Variants in RAB11FIP3 observed in about 807,000 individuals in gnomAD.
RAB11FIP3 encodes the protein rab11 family-interacting protein 3.
Under a neutral mutation model 77.8 loss-of-function variants are expected in RAB11FIP3, and 17 were observed. The observed-to-expected ratio is 0.22, with a 90% confidence interval of 0.15 to 0.33. RAB11FIP3 has a LOEUF of 0.33. RAB11FIP3 is among the 10% of genes least tolerant of loss of function. RAB11FIP3 has a pLI of 1.00. For missense variants in RAB11FIP3, 1,005 were observed against 1,011.2 expected (o/e 0.99, Z 0.08); for synonymous variants, 437 against 448.2 (o/e 0.98, Z 0.31).
chr16:467,131 T>C (rs1267911331), intron 2 of RAB11FIP3, among the ~76,000 whole-genome samples: 1 of 151,990 alleles, frequency 6.6e-6, no homozygotes, highest in African/African-American at 2.4e-5. Context: ...GACCACAAAG[T>C]AAGGCAGGAG....
intron 1 of RAB11FIP3, among the ~76,000 whole-genome samples, chr16:447,877 T>C (rs189315390): frequency 9.7e-4 from 147 of 152,244 alleles, no homozygotes; most frequent in Non-Finnish European, 1.1e-3. Context: ...AACAAAGGGT[T>C]ACATTCAGCT....
chr16:458,121 C>T (rs1018663127), intron 1 of RAB11FIP3, among the ~76,000 whole-genome samples: 1 of 152,216 alleles, frequency 6.6e-6, no homozygotes, highest in South Asian at 2.1e-4. Context: ...TGGGGCTGGC[C>T]CTGTTTGAGC....
rs1304976627 is a variant in RAB11FIP3 at position 426,186 on chromosome 16, CG to C, written c.184del (p.Ala62ProfsTer178). On this transcript the variant is annotated frameshift_variant, in exon 1 of 14. Coordinates refer to ENST00000262305, the MANE Select transcript of RAB11FIP3 (RefSeq NM_014700.4). LOFTEE classifies it high-confidence loss of function. This position sits in a 1 kb window ranked among gnomAD's most constrained non-coding sequence, Gnocchi z 5.0. ...QSPGLDEPAP[G>X]AAADGGARWS... ...CCCCGGGCCTGGATGAGCCTGCGCC[CG>C]GGGCCGCTGCAGATGGCGGGGCGCG... The C allele has an allele frequency of 4.9e-6, 5 of 1,016,382 alleles. No homozygotes were observed. Among genetic ancestry groups the C allele is most frequent in the Non-Finnish European group, 3.5e-6 (3 of 852,174 alleles). The allele number at this position is 1,016,382 out of a possible 1,614,324, so 63.0% of individuals were successfully genotyped here.
At chr16:430,976 C>T (rs549322172) in intron 1 of RAB11FIP3, among the ~76,000 whole-genome samples, 2 of 152,362 alleles carry the variant, frequency 1.3e-5, no homozygotes, top group South Asian at 2.1e-4. Context: ...AGGCATGAGC[C>T]GTAGCGCCCA....
chr16:437,666 G>A (rs1394995599), intron 1 of RAB11FIP3, among the ~76,000 whole-genome samples: 2 of 151,588 alleles, frequency 1.3e-5, no homozygotes, highest in Admixed American at 1.3e-4. Flanking sequence ...CAAGTACACT[G>A]AACTGATAAC....
Position 426,597 on chromosome 16 carries a change from C to G in RAB11FIP3, c.591C>G (p.Pro197=). ...LSQTHPLPSE[P]VGSQEDGPRL... ...AGACCCACCCCCTTCCGAGCGAGCC[C>G]GTGGGGAGTCAGGAGGACGGCCCCC... Residue 197 remains proline (P), a synonymous_variant, in exon 1 of 14, where the codon CCC becomes CCG. Transcript: ENST00000262305. This position sits in a 1 kb window ranked among gnomAD's most constrained non-coding sequence, Gnocchi z 5.0. 3 of 1,597,298 alleles carry G rather than the reference C, an allele frequency of 1.9e-6. No homozygotes were observed. Among genetic ancestry groups the G allele is most frequent in the South Asian group, 1.1e-5 (1 of 88,946 alleles).
chr16:448,937 A>T (rs2055363140), intron 1 of RAB11FIP3, among the ~76,000 whole-genome samples: 1 of 152,062 alleles, frequency 6.6e-6, no homozygotes, highest in African/African-American at 2.4e-5. Context: ...AATAACATAA[A>T]TAAGTAAATA....
At chr16:500,948 G>A (rs918517148) in intron 6 of RAB11FIP3, among the ~76,000 whole-genome samples, 2 of 152,082 alleles carry the variant, frequency 1.3e-5, no homozygotes, top group Admixed American at 6.6e-5. Flanking sequence ...ATGTTTGGGG[G>A]CAAGGTCATG....
intron 1 of RAB11FIP3, among the ~76,000 whole-genome samples, chr16:436,433 C>G (rs112582419): frequency 6.6e-6 from 1 of 152,158 alleles, no homozygotes; most frequent in African/African-American, 2.4e-5. Context: ...CCTCAGCCTC[C>G]AGGGGCATGC....
chr16:509,670 G>A (rs1238851105), intron 8 of RAB11FIP3, among the ~76,000 whole-genome samples: 1 of 152,146 alleles, frequency 6.6e-6, no homozygotes, highest in African/African-American at 2.4e-5. Context: ...CACCTGCCCT[G>A]CCTCTGCTCT....
chr16:496,802 G>A (rs1203667242), intron 5 of RAB11FIP3, 22 bp from the exon 6 acceptor site: 2 of 1,575,996 alleles, frequency 1.3e-6, no homozygotes, highest in Non-Finnish European at 1.7e-6. Context: ...CAATTTTCCT[G>A]TTTATTTTGT....
chr16:427,987 G>A (rs1441013982), intron 1 of RAB11FIP3, among the ~76,000 whole-genome samples: 8 of 152,004 alleles, frequency 5.3e-5, no homozygotes, highest in Non-Finnish European at 8.8e-5. Context: ...TGTACTCCTA[G>A]CTACTCGGGA....
intron 3 of RAB11FIP3, chr16:477,605 G>A (rs2055944036): frequency 8.1e-6 from 8 of 985,256 alleles, no homozygotes; most frequent in Admixed American, 6.1e-5. Context: ...GCCCTGTCCT[G>A]AGTGGGCCCT....
chr16:456,884 T>C (rs2055513350), intron 1 of RAB11FIP3, among the ~76,000 whole-genome samples: 1 of 152,124 alleles, frequency 6.6e-6, no homozygotes, highest in South Asian at 2.1e-4. Flanking sequence ...TAGAAAGAAG[T>C]GTCCGTGCCA....
chr16:515,453 G>A (rs941621242), intron 9 of RAB11FIP3, among the ~76,000 whole-genome samples: 7 of 152,118 alleles, frequency 4.6e-5, no homozygotes, highest in African/African-American at 1.2e-4. Flanking sequence ...CAGCTACACC[G>A]GTGTTTGCAT....
chr16:426,708 C>T lies in RAB11FIP3; in HGVS notation c.702C>T (p.Tyr234=). ...ACTTCATCCAGTTTGCTACGGTCTA[C>T]GGGGCAGAGCAGGTACGGAGCGGCC... is the stretch of plus-strand genomic sequence containing the variant. ...IEDFIQFATV[Y]GAEQVKDLTK... The change falls in exon 1 of 14, where the codon TAC becomes TAT. Residue 234 remains tyrosine, a synonymous_variant. Coordinates refer to ENST00000262305, the MANE Select transcript of RAB11FIP3 (RefSeq NM_014700.4). This position sits in a 1 kb window ranked among gnomAD's most constrained non-coding sequence, Gnocchi z 5.0. 2 of 1,507,498 alleles carry T rather than the reference C, an allele frequency of 1.3e-6. No individual in the cohort carries two copies. Among genetic ancestry groups the T allele is most frequent in the East Asian group, 2.4e-5 (1 of 41,618 alleles). The allele number at this position is 1,507,498 out of a possible 1,614,324, so 93.4% of individuals were successfully genotyped here. A position where few individuals can be genotyped will look rare whatever the true frequency, so the allele number is the denominator to read the frequency against.
At chr16:428,691 C>T (rs1216394800) in intron 1 of RAB11FIP3, among the ~76,000 whole-genome samples, 2 of 152,102 alleles carry the variant, frequency 1.3e-5, no homozygotes, top group Non-Finnish European at 2.9e-5. Context: ...ACCTTAGATG[C>T]CTCTTCTTAG....
intron 5 of RAB11FIP3, among the ~76,000 whole-genome samples, chr16:489,994 G>C (rs1033405349): frequency 1.3e-5 from 2 of 152,206 alleles, no homozygotes; most frequent in Non-Finnish European, 2.9e-5. Flanking sequence ...CTCTCCCAGC[G>C]CGTGGTGGTG....
chr16:474,779 G>T (rs1473225832), intron 3 of RAB11FIP3: 13 of 1,367,338 alleles, frequency 9.5e-6, no homozygotes, highest in Non-Finnish European at 1.2e-5. Context: ...CTGACTAACC[G>T]TTTTTTAAAC....
Sources: allele counts gnomAD v4.1 joint callset (sites outside exome capture counted in the v4.1 genomes callset), GRCh38; gene constraint gnomAD v4.1.1; non-coding constraint Gnocchi (gnomAD v3.1); transcripts MANE v1.5; gene names NCBI Gene and HGNC (gene_info 2026-07-23, HGNC 2026-07-21).